FAM149A: variants seen among roughly 807,000 people sequenced by gnomAD.
FAM149A encodes the protein family with sequence similarity 149 member A, also known as protein FAM149A.
Under a neutral mutation model 78.2 loss-of-function variants are expected in FAM149A, and 71 were observed. That is an observed-to-expected ratio of 0.91 (90% CI 0.75 to 1.11). The LOEUF (loss-of-function observed/expected upper bound fraction) is 1.11. FAM149A is among the 50% of genes least tolerant of loss of function. The pLI is 0.00. For missense variants in FAM149A, 1,036 were observed against 971.0 expected (o/e 1.07, Z -0.89); for synonymous variants, 446 against 410.5 (o/e 1.09, Z -1.04).
chr4:186,110,752 T>A (rs1410750178), intron 1 of FAM149A, among the ~76,000 whole-genome samples: 3 of 143,832 alleles, frequency 2.1e-5, no homozygotes, highest in Admixed American at 1.4e-4. Context: ...GCATAGTATT[T>A]CATGGTGTAT....
intron 1 of FAM149A, chr4:186,131,704 A>G (rs1438911115): frequency 3.7e-5 from 6 of 161,612 alleles, no homozygotes; most frequent in Admixed American, 2.6e-4. Flanking sequence ...TGTGGACTGT[A>G]GATCTGAATA....
intron 5 of FAM149A, 39 bp from the exon 6 acceptor site, chr4:186,154,429 T>G: frequency 6.4e-7 from 1 of 1,551,740 alleles, no homozygotes; most frequent in South Asian, 1.2e-5. Flanking sequence ...TTCTTGGTGT[T>G]CTATAAACTC....
intron 4 of FAM149A, among the ~76,000 whole-genome samples, chr4:186,152,793 C>T (rs1370664530): frequency 1.3e-5 from 2 of 152,098 alleles, no homozygotes; most frequent in Non-Finnish European, 2.9e-5. Context: ...ATCCGCCCGC[C>T]TCAGCCTCCC....
Position 186,151,996 on chromosome 4 carries a change from A to G in FAM149A, c.883A>G (p.Ser295Gly), listed in dbSNP as rs1238422506. ...AGGGAAAGTGAACCCTCAGACCCAG[A>G]GTCTGCTGGCCGAATGCGGGGAGTG... is the stretch of plus-strand genomic sequence containing the variant. Residue 295 changes from serine to glycine, a missense_variant, in exon 4 of 14, where the codon AGT becomes GGT. Physicochemically the swap from Ser to Gly is moderately conservative, Grantham distance 56. This residue lies in a region of FAM149A where 716 missense variants were observed against 711.8 expected (regional missense o/e 1.01). Coordinates refer to ENST00000389354, the MANE Select transcript of FAM149A (RefSeq NM_001367768.3). 6.2e-7 allele frequency: 1 copy of G among 1,614,154 alleles called. No individual in the cohort carries two copies. Among genetic ancestry groups the G allele is most frequent in the Admixed American group, 1.7e-5 (1 of 60,020 alleles).
At chr4:186,161,174 T>TG (rs888754953) in intron 8 of FAM149A, among the ~76,000 whole-genome samples, 1 of 152,242 alleles carries the variant, frequency 6.6e-6, no homozygotes, top group African/African-American at 2.4e-5. Context: ...ATAAGTCCTC[T>TG]GGGAGTCAGA....
chr4:186,156,411 C>T (rs1306565796), intron 7 of FAM149A, among the ~76,000 whole-genome samples: 1 of 152,064 alleles, frequency 6.6e-6, no homozygotes, highest in Admixed American at 6.6e-5. Context: ...CGGTGGCTCA[C>T]GCCTGTAATC....
rs1255367740 is a variant in FAM149A at position 186,164,079 on chromosome 4, T to G, written c.1889+446T>G. On this transcript the variant is annotated intron_variant, in intron 10 of 13. Coordinates refer to ENST00000389354, the MANE Select transcript of FAM149A (RefSeq NM_001367768.3). This position sits in a 1 kb window ranked among gnomAD's most constrained non-coding sequence, Gnocchi z 4.0. ...TGGGAGTTTCAGCAAAGCTGTTGAT[T>G]GCAGGATTCACATCCCGTCATGGCC... 2.6e-5 allele frequency among the ~76,000 whole-genome samples: 4 copies of G among 152,214 alleles called. No individual in the cohort carries two copies. Among genetic ancestry groups the G allele is most frequent in the Admixed American group, 6.5e-5 (1 of 15,280 alleles).
At chr4:186,110,202 C>T (rs2099310620) in intron 1 of FAM149A, 1 of 985,366 alleles carries the variant, frequency 1.0e-6, no homozygotes. Context: ...AATCCACTGT[C>T]ATGGGTTTCT....
At chr4:186,171,432 C>G (rs6852092) in intron 13 of FAM149A, among the ~76,000 whole-genome samples, 23,379 of 152,170 alleles carry the variant, frequency 0.15, 3,865 homozygotes, top group African/African-American at 0.42. Flanking sequence ...CAAGCAGGCA[C>G]ATGACCTCCT....
intron 1 of FAM149A, among the ~76,000 whole-genome samples, chr4:186,129,354 T>C (rs771382553): frequency 3.9e-5 from 6 of 152,200 alleles, no homozygotes; most frequent in Non-Finnish European, 7.3e-5. Context: ...CAGCTCTCCT[T>C]TCCCCATAAG....
chr4:186,124,127 A>G (rs953038600), intron 1 of FAM149A: 3 of 985,268 alleles, frequency 3.0e-6, no homozygotes, highest in South Asian at 4.7e-5. Flanking sequence ...TGGACTTACG[A>G]TAAGATACCA....
At chr4:186,122,127 G>A (rs1320923815) in intron 1 of FAM149A, among the ~76,000 whole-genome samples, 1 of 152,176 alleles carries the variant, frequency 6.6e-6, no homozygotes. Flanking sequence ...AGATAAAGAT[G>A]TTATGAAGAA....
At chr4:186,131,137 CAA>C (rs2099320589) in intron 1 of FAM149A, among the ~76,000 whole-genome samples, 1 of 152,126 alleles carries the variant, frequency 6.6e-6, no homozygotes. Context: ...CACTTGAGGT[CAA>C]GAGTTCGAGA....
chr4:186,109,176 G>T, intron 1 of FAM149A: 1 of 985,406 alleles, frequency 1.0e-6, no homozygotes, highest in Non-Finnish European at 1.2e-6. Flanking sequence ...TTCTGCAAAT[G>T]TAAGAATTCC....
At chr4:186,122,840 C>A in intron 1 of FAM149A, 1 of 638,412 alleles carries the variant, frequency 1.6e-6, no homozygotes, top group Non-Finnish European at 1.9e-6. Context: ...TTCTTGCCTC[C>A]TTTTTTGGAG....
rs1055118298 is a variant in FAM149A at position 186,129,847 on chromosome 4, A to G, written c.567-19326A>G. Among the ~76,000 whole-genome samples the G allele has an allele frequency of 5.9e-5, 9 of 152,238 alleles. No individual in the cohort carries two copies. The East Asian group carries it at 1.3e-3, about 23-fold the overall frequency. ...AGTGTTTGCATGTGCAAATATTCCA[A>G]CTAAAAGGAAGCTGATGTATCTTGT... On this transcript the variant is annotated intron_variant, in intron 1 of 13. Transcript: ENST00000389354.
At chr4:186,163,871 G>A (rs1392324155) in intron 10 of FAM149A, among the ~76,000 whole-genome samples, 3 of 152,186 alleles carry the variant, frequency 2.0e-5, no homozygotes, top group Admixed American at 6.5e-5. Context: ...CTCTGATGCT[G>A]GGGGACCTTG....
At chr4:186,154,187 A>G (rs1579893607) in intron 5 of FAM149A, among the ~76,000 whole-genome samples, 1 of 152,308 alleles carries the variant, frequency 6.6e-6, no homozygotes, top group Non-Finnish European at 1.5e-5. Flanking sequence ...CCATTCACAC[A>G]TATTTGGTGT....
intron 1 of FAM149A, among the ~76,000 whole-genome samples, chr4:186,111,513 G>A (rs1242584304): frequency 6.6e-6 from 1 of 152,018 alleles, no homozygotes; most frequent in Non-Finnish European, 1.5e-5. Context: ...TTCTTCTAGG[G>A]TTTTTATGGT....
Sources: gnomAD v4.1 joint callset for allele counts (sites outside exome capture counted in the v4.1 genomes callset) on GRCh38, gnomAD v4.1.1 for gene constraint, gnomAD v4.1.1 regional missense constraint, Gnocchi (gnomAD v3.1) non-coding constraint, MANE v1.5 for transcripts, NCBI Gene and HGNC (gene_info 2026-07-23, HGNC 2026-07-21) for gene names.